Variants in DEPDC5 observed in about 807,000 individuals in gnomAD.
DEPDC5 encodes the protein DEP domain containing 5, GATOR1 subcomplex subunit.
Under a neutral mutation model 217.3 loss-of-function variants are expected in DEPDC5, and 73 were observed. The ratio of observed to expected loss-of-function variants is 0.34; its 90% CI spans 0.28 to 0.41. The LOEUF is 0.41. DEPDC5 is among the 10% of genes least tolerant of loss of function. The probability of loss-of-function intolerance (pLI) is 1.00; values close to 1 mark genes in which losing one functional copy is unlikely to be tolerated. For missense variants in DEPDC5, 1,675 were observed against 2,070.1 expected (o/e 0.81, Z 3.70); for synonymous variants, 733 against 756.7 (o/e 0.97, Z 0.51).
At chr22:31,860,108 G>T (rs1395850870) in intron 32 of DEPDC5, among the ~76,000 whole-genome samples, 1 of 152,152 alleles carries the variant, frequency 6.6e-6, no homozygotes. Context: ...CCAGGTGAAC[G>T]CTAAAATCCA....
rs569140747 is a variant in DEPDC5 at position 31,779,988 on chromosome 22, C to T, written c.483+1820C>T. ...ATGGCCAGATTTTAGTCACTTGTAG[C>T]TGCTGAGGAGGCTGGGAAGTTTTGT... On this transcript the variant is annotated intron_variant, in intron 8 of 42. Coordinates refer to ENST00000651528, the MANE Select transcript of DEPDC5 (RefSeq NM_001242896.3). 5.3e-5 allele frequency among the ~76,000 whole-genome samples: 8 copies of T among 152,324 alleles called. No individual in the cohort carries two copies. The South Asian group carries it at 1.7e-3, about 32-fold the overall frequency.
At position 31,843,105 on chromosome 22, in the gene DEPDC5, C is replaced by G; in HGVS notation, c.2526C>G (p.Ser842=). The G allele has an allele frequency of 6.2e-7, 1 of 1,612,816 alleles. No homozygotes were observed. Among genetic ancestry groups the G allele is most frequent in the Non-Finnish European group, 8.5e-7 (1 of 1,179,644 alleles). Residue 842 remains serine (S), a synonymous_variant, in exon 28 of 43, where the codon TCC becomes TCG. Coordinates refer to ENST00000651528, the MANE Select transcript of DEPDC5 (RefSeq NM_001242896.3). The part of the protein sequence containing the change: ...SSPLYSRGLV[S]RNRPEEEDQY... ...TTATTTTTCTGTTAGGCCTTGTGTC[C>G]CGAAACCGCCCTGAGGAGGAGGACC...
At position 31,845,136 on chromosome 22, in the gene DEPDC5, C is replaced by T. The variant is rs768342837; in HGVS notation, c.2920C>T (p.Arg974Cys). 4.0e-5 allele frequency: 64 copies of T among 1,614,192 alleles called. No individual in the cohort carries two copies. Among genetic ancestry groups the T allele is most frequent in the South Asian group, 7.7e-5 (7 of 91,092 alleles). ...CTGCGACATCTATGGGGACAGGCCC[C>T]GTGCAGACGAGGACGAGTGGCAACT... The part of the protein sequence containing the change: ...AHCDIYGDRP[R>C]ADEDEWQLLD... Residue 974 changes from arginine (R) to cysteine (C), a missense_variant, in exon 30 of 43, where the codon CGT becomes TGT. Arg to Cys is a radical substitution (Grantham distance 180). This residue lies in a region of DEPDC5 where 293 missense variants were observed against 386.1 expected (regional missense o/e 0.76). Coordinates refer to ENST00000651528, the MANE Select transcript of DEPDC5 (RefSeq NM_001242896.3).
At chr22:31,760,091 G>A (rs1352307975) in intron 3 of DEPDC5, among the ~76,000 whole-genome samples, 2 of 143,482 alleles carry the variant, frequency 1.4e-5, no homozygotes, top group Admixed American at 7.0e-5. Context: ...TTTGTGAGAC[G>A]GAGTCTTGCT....
rs114020038 is a variant in DEPDC5, at chr22:31,773,128, C to T, written c.413+4265C>T. On this transcript the variant is annotated intron_variant, in intron 7 of 42. Transcript: ENST00000651528. ...CTTTGTTTCTCTATGTAAATACCCT[C>T]ATACACACAGTTCTAGATGGAGAAA... is the stretch of plus-strand genomic sequence containing the variant. Among the ~76,000 whole-genome samples, 378 of 152,268 alleles carry T rather than the reference C, an allele frequency of 2.5e-3. 2 individuals carry two copies. The highest frequency in any genetic ancestry group is 8.2e-3 in the African/African-American group (342 of 41,562).
At chr22:31,851,518 A>G (rs2092026535) in intron 31 of DEPDC5, among the ~76,000 whole-genome samples, 1 of 152,138 alleles carries the variant, frequency 6.6e-6, no homozygotes, top group Non-Finnish European at 1.5e-5. Context: ...AGCACTTACC[A>G]GTATTCTGCT....
chr22:31,788,539 A>G (rs553709989), intron 10 of DEPDC5, among the ~76,000 whole-genome samples: 286 of 151,684 alleles, frequency 1.9e-3, no homozygotes, highest in African/African-American at 6.8e-3. Flanking sequence ...TGGCCTCCCA[A>G]TGTGCTGAGA....
At chr22:31,838,228 G>A (rs1262904119) in intron 26 of DEPDC5, among the ~76,000 whole-genome samples, 1 of 151,890 alleles carries the variant, frequency 6.6e-6, no homozygotes, top group African/African-American at 2.4e-5. Context: ...TCTTTGAACT[G>A]TTAATTTTCC....
chr22:31,799,045 C>CTT (rs552961998), intron 14 of DEPDC5, among the ~76,000 whole-genome samples: 9 of 138,628 alleles, frequency 6.5e-5, no homozygotes, highest in Non-Finnish European at 9.4e-5. Flanking sequence ...AGCAAACTTA[C>CTT]TTTTTTTTTT....
intron 1 of DEPDC5, 22 bp from the exon 2 acceptor site, chr22:31,754,840 T>G: frequency 6.5e-7 from 1 of 1,530,768 alleles, no homozygotes; most frequent in East Asian, 2.2e-5. Flanking sequence ...TTCCAACCTT[T>G]TCGTTTGTAT....
chr22:31,850,590 A>G (rs1212947785), intron 31 of DEPDC5, among the ~76,000 whole-genome samples: 1 of 152,234 alleles, frequency 6.6e-6, no homozygotes, highest in Admixed American at 6.5e-5. Context: ...CTTGGAACAT[A>G]TACCCCTCAG....
intron 19 of DEPDC5, 46 bp downstream of exon 19, chr22:31,809,693 CAGCT>C (rs1568974153): frequency 1.2e-6 from 2 of 1,605,752 alleles, no homozygotes; most frequent in East Asian, 2.2e-5. Flanking sequence ...AAAAGAGAGT[CAGCT>C]GGCTGGGTGC....
intron 20 of DEPDC5, among the ~76,000 whole-genome samples, chr22:31,811,773 C>T (rs1478972067): frequency 6.6e-6 from 1 of 152,020 alleles, no homozygotes; most frequent in Admixed American, 6.6e-5. Flanking sequence ...TCTCAAACTC[C>T]TGGCTGAAGC....
intron 27 of DEPDC5, among the ~76,000 whole-genome samples, chr22:31,842,172 G>A (rs939308067): frequency 6.6e-6 from 1 of 152,222 alleles, no homozygotes; most frequent in African/African-American, 2.4e-5. Context: ...TACAAGGTAG[G>A]ATTCAGACTG....
intron 24 of DEPDC5, among the ~76,000 whole-genome samples, chr22:31,826,916 A>G (rs76967367): frequency 2.0e-5 from 3 of 148,948 alleles, no homozygotes; most frequent in African/African-American, 7.4e-5. Context: ...TTTTTTTTTA[A>G]GAGACAGGAT....
At chr22:31,830,630 CGTGTGTGT>C (rs34078350) in intron 24 of DEPDC5, among the ~76,000 whole-genome samples, 1,815 of 142,530 alleles carry the variant, frequency 0.013, 31 homozygotes, top group African/African-American at 0.033. Context: ...TATGCGTGTA[CGTGTGTGT>C]GTGTGTGTGT....
At chr22:31,824,777 C>T (rs1468517028) in intron 24 of DEPDC5, among the ~76,000 whole-genome samples, 1 of 151,642 alleles carries the variant, frequency 6.6e-6, no homozygotes, top group Admixed American at 6.6e-5. Flanking sequence ...ACCATCCTGG[C>T]TAACACAGTG....
intron 41 of DEPDC5, among the ~76,000 whole-genome samples, chr22:31,902,953 T>G (rs912079573): frequency 3.9e-5 from 6 of 151,970 alleles, no homozygotes; most frequent in African/African-American, 1.5e-4. Context: ...TTGTTAAATC[T>G]GCTTTTTTCC....
rs375432752 is a variant in DEPDC5 at position 31,897,678 on chromosome 22, T to G, written c.4375+25T>G. The G allele has an allele frequency of 6.5e-4, 1,044 of 1,610,926 alleles. 1 individual carries two copies. Among genetic ancestry groups the G allele is most frequent in the Non-Finnish European group, 8.5e-4 (1,005 of 1,178,492 alleles). On this transcript the variant is annotated intron_variant, in intron 40 of 42. Transcript: ENST00000651528. ...AGTAAGAAATATTCCCTTCTGGAGG[T>G]TGTCTCAACCAGTAAGACCCCGTCC...
Sources: gnomAD v4.1 joint callset for allele counts (sites outside exome capture counted in the v4.1 genomes callset) on GRCh38, gnomAD v4.1.1 for gene constraint, gnomAD v4.1.1 regional missense constraint, MANE v1.5 for transcripts, NCBI Gene and HGNC (gene_info 2026-07-23, HGNC 2026-07-21) for gene names.